INCENP: variants seen among roughly 807,000 people sequenced by gnomAD.
The protein encoded by INCENP is inner centromere protein, also known as binds and activates aurora-B and -C in vivo and in vitro.
In INCENP, 43 loss-of-function variants were observed where a neutral mutation model predicts 107.3. That is an observed-to-expected ratio of 0.40 (90% CI 0.31 to 0.52). INCENP has a LOEUF of 0.52. INCENP is among the 20% of genes least tolerant of loss of function. The pLI is 0.53. For synonymous variants in INCENP, 488 were observed against 494.4 expected (o/e 0.99, Z 0.17); for missense variants, 1,089 against 1,250.9 (o/e 0.87, Z 1.95).
chr11:62,133,123 C>A (rs559421553), intron 4 of INCENP, among the ~76,000 whole-genome samples: 1 of 152,110 alleles, frequency 6.6e-6, no homozygotes, highest in Non-Finnish European at 1.5e-5. Context: ...TTCCTGATAC[C>A]AGGCTCTGGG....
chr11:62,125,091 C>G (rs1943721599), intron 1 of INCENP, among the ~76,000 whole-genome samples: 1 of 152,138 alleles, frequency 6.6e-6, no homozygotes, highest in African/African-American at 2.4e-5. Flanking sequence ...GTGTCTTCCT[C>G]GGTGAGGTGT....
Position 62,146,794 on chromosome 11 carries a change from AGCAGGAGCG to A in INCENP, c.2099_2107del (p.Gln700_Arg702del), listed in dbSNP as rs757585559. On this transcript the variant is annotated inframe_deletion, in exon 15 of 19. Transcript: ENST00000394818. ...GAGCGGCGGGAGCAGGAGCGGCGCG[AGCAGGAGCG>A]GCGCGAGCAGGAGCGGCGGGAGCAG... 9 of 1,535,268 alleles carry A rather than the reference AGCAGGAGCG, an allele frequency of 5.9e-6. No homozygotes were observed. Among genetic ancestry groups the A allele is most frequent in the East Asian group, 2.5e-5 (1 of 40,404 alleles).
intron 4 of INCENP, among the ~76,000 whole-genome samples, chr11:62,134,512 T>A (rs578131701): frequency 6.6e-6 from 1 of 152,172 alleles, no homozygotes; most frequent in Admixed American, 6.5e-5. Flanking sequence ...AATATTTTTA[T>A]ATGAATATTT....
chr11:62,148,833 C>T lies in INCENP; in HGVS notation c.2378C>T (p.Thr793Ile). The change falls in exon 17 of 19, where the codon ACT becomes ATT. Residue 793 changes from threonine to isoleucine, a missense_variant. By Grantham distance (89) the Thr-to-Ile change is moderately conservative. Transcript: ENST00000394818. ...GGGGCCAGCAAGGCCCTGAATGTGACTGTGGACGTGCAGGTGCCACCTGGG... is the reference window on the plus strand; with the variant it reads ...GGGGCCAGCAAGGCCCTGAATGTGATTGTGGACGTGCAGGTGCCACCTGGG... ...AAGASKALNV[T>I]VDVQSPACTS... The T allele has an allele frequency of 6.2e-7, 1 of 1,605,760 alleles. No individual in the cohort carries two copies. Among genetic ancestry groups the T allele is most frequent in the Non-Finnish European group, 8.5e-7 (1 of 1,176,216 alleles).
chr11:62,142,789 C>T (rs928392450), intron 11 of INCENP, among the ~76,000 whole-genome samples: 1 of 152,186 alleles, frequency 6.6e-6, no homozygotes, highest in African/African-American at 2.4e-5. Flanking sequence ...CAGCCTGGGA[C>T]TTGGCAGGTG....
At chr11:62,140,118 G>A (rs1944080332) in intron 7 of INCENP, 116 bp from the exon 8 acceptor site, 1 of 835,174 alleles carries the variant, frequency 1.2e-6, no homozygotes, top group South Asian at 1.5e-5. Context: ...CTGCCAGGAA[G>A]GGAGCCTTGC....
In INCENP at chr11:62,141,065, C is replaced by A. The variant is rs191264661; in HGVS notation, c.1593+21C>A. 1.5e-3 allele frequency: 2,469 copies of A among 1,606,120 alleles called. 51 individuals are homozygous for A. The African/African-American group carries it at 0.029, about 19-fold the overall frequency. On this transcript the variant is annotated intron_variant, in intron 10 of 18. Coordinates refer to ENST00000394818, the MANE Select transcript of INCENP (RefSeq NM_001040694.2). ...CCAAGGTGAGGGGCCTGTGCCCAGG[C>A]CGGGCTTTGTGGGAGCTGGGCAGTG...
At chr11:62,127,952 C>T (rs1057250717) in intron 1 of INCENP, among the ~76,000 whole-genome samples, 199 bp from the exon 2 acceptor site, 9 of 140,776 alleles carry the variant, frequency 6.4e-5, no homozygotes, top group African/African-American at 2.5e-4. Context: ...AGAAGGGCTT[C>T]TCTTTGTAGA....
intron 5 of INCENP, 99 bp from the exon 6 acceptor site, chr11:62,138,614 A>G (rs1944041621): frequency 1.7e-6 from 2 of 1,155,756 alleles, no homozygotes; most frequent in Non-Finnish European, 2.5e-6. Context: ...CCTTGTGTTG[A>G]CCTCTTGGGT....
intron 2 of INCENP, 121 bp from the exon 3 acceptor site, chr11:62,128,649 G>T (rs1175293739): frequency 2.7e-6 from 2 of 732,458 alleles, no homozygotes; most frequent in Non-Finnish European, 2.4e-6. Flanking sequence ...GAGCTCACTT[G>T]GTGCTGGACA....
chr11:62,138,839 G>A (rs1432361211), intron 6 of INCENP, 49 bp from the exon 7 acceptor site: 20 of 1,604,996 alleles, frequency 1.2e-5, no homozygotes, highest in Non-Finnish European at 1.5e-5. Context: ...GGCCATCCTG[G>A]GCCTTGGGTT....
intron 4 of INCENP, among the ~76,000 whole-genome samples, chr11:62,134,488 GTA>G (rs1338780758): frequency 6.6e-6 from 1 of 150,460 alleles, no homozygotes; most frequent in Admixed American, 6.6e-5. Flanking sequence ...GAGTTTAAAA[GTA>G]TTTTAAATAT....
intron 1 of INCENP, among the ~76,000 whole-genome samples, chr11:62,125,525 T>C (rs369616807): frequency 4.8e-4 from 73 of 152,372 alleles, no homozygotes; most frequent in African/African-American, 1.8e-3. Flanking sequence ...CATGATTGGC[T>C]GGCTGCAGAG....
At position 62,145,760 on chromosome 11, in the gene INCENP, A is replaced by G. The variant is rs1675120; in HGVS notation, c.1959+9A>G. 4.1e-3 allele frequency: 6,280 copies of G among 1,550,382 alleles called. 226 individuals are homozygous for G. In the African/African-American group the frequency reaches 0.076, roughly 19 times the overall value. On this transcript the variant is annotated intron_variant, in intron 14 of 18. Coordinates refer to ENST00000394818, the MANE Select transcript of INCENP (RefSeq NM_001040694.2). ...TCAGGTGGCTGCAGCAGGTGCGAGCACAGGTGGGCCTCAGGGAGGAGGTGG... is the reference window on the plus strand; with the variant it reads ...TCAGGTGGCTGCAGCAGGTGCGAGCGCAGGTGGGCCTCAGGGAGGAGGTGG...
rs1944387952 is a variant in INCENP, at chr11:62,152,049, T to G, written c.*73T>G. On this transcript the variant is annotated 3_prime_UTR_variant, in exon 19 of 19. Transcript: ENST00000394818. Reference sequence around the variant, plus strand: ...TCTGTCTGTCTGTCGGTCTCTGTCTTGGTCTGTTGCCCTCCTTCTTGGCAT... The same window carrying G: ...TCTGTCTGTCTGTCGGTCTCTGTCTGGGTCTGTTGCCCTCCTTCTTGGCAT... The G allele has an allele frequency of 8.4e-7, 1 of 1,187,762 alleles. No individual in the cohort carries two copies. The highest frequency in any genetic ancestry group is 1.5e-5 in the African/African-American group (1 of 66,368). The allele number at this position is 1,187,762 out of a possible 1,614,324, so 73.6% of individuals were successfully genotyped here.
intron 10 of INCENP, 25 bp downstream of exon 10, chr11:62,141,069 G>C: frequency 1.2e-6 from 2 of 1,604,260 alleles, no homozygotes; most frequent in Non-Finnish European, 1.7e-6. Flanking sequence ...CCCAGGCCGG[G>C]CTTTGTGGGA....
At chr11:62,143,737 T>C (rs1944174853) in intron 11 of INCENP, among the ~76,000 whole-genome samples, 1 of 152,138 alleles carries the variant, frequency 6.6e-6, no homozygotes, top group Non-Finnish European at 1.5e-5. Flanking sequence ...TAGTAACCAG[T>C]ACAGGAAGAG....
At chr11:62,128,426 G>C in intron 2 of INCENP, 125 bp downstream of exon 2, 2 of 1,011,436 alleles carry the variant, frequency 2.0e-6, no homozygotes, top group Non-Finnish European at 3.0e-6. Flanking sequence ...AGGGCTCCCT[G>C]CTGTATACTG....
rs199734316 is a variant in INCENP at position 62,130,366 on chromosome 11, G to A, written c.839G>A (p.Arg280Gln). Residue 280 changes from arginine to glutamine, a missense_variant, in exon 4 of 19, where the codon CGG (arginine) becomes CAG (glutamine). Transcript: ENST00000394818. ...PAFPDSPWRERVLAPILPDNF... is the reference protein window; with the variant it reads ...PAFPDSPWREQVLAPILPDNF... ...TTTCCAGATTCTCCATGGCGGGAGCGGGTGCTGGCTCCCATCCTGCCGGAT... is the reference window on the plus strand; with the variant it reads ...TTTCCAGATTCTCCATGGCGGGAGCAGGTGCTGGCTCCCATCCTGCCGGAT... 56 of 1,612,346 alleles carry A rather than the reference G, an allele frequency of 3.5e-5. No individual in the cohort carries two copies. Among genetic ancestry groups the A allele is most frequent in the African/African-American group, 2.0e-4 (15 of 75,024 alleles).
Sources: gnomAD v4.1 joint callset for allele counts (sites outside exome capture counted in the v4.1 genomes callset) on GRCh38, gnomAD v4.1.1 for gene constraint, MANE v1.5 for transcripts, NCBI Gene and HGNC (gene_info 2026-07-23, HGNC 2026-07-21) for gene names.